The following MB21D2 variants were observed in gnomAD, a reference collection of about 807,000 sequenced individuals.
MB21D2 encodes the protein Mab-21 domain containing 2, also known as nucleotidyltransferase MB21D2.
Under a neutral mutation model 33.3 loss-of-function variants are expected in MB21D2, and 9 were observed. The ratio of observed to expected loss-of-function variants is 0.27; its 90% CI spans 0.16 to 0.47. The LOEUF (loss-of-function observed/expected upper bound fraction) is 0.47, where lower values mean the gene tolerates loss of function less well. Among genes scored for constraint, MB21D2 ranks in the 20% least tolerant of loss-of-function variants. MB21D2 has a pLI of 0.99. For missense variants in MB21D2, 540 were observed against 624.6 expected, an observed-to-expected ratio of 0.86 and a Z score of 1.44; for synonymous variants, 241 against 236.3, an observed-to-expected ratio of 1.02 and a Z score of -0.18.
At chr3:192,838,067 A>G (rs1712479342) in intron 1 of MB21D2, among the ~76,000 whole-genome samples, 1 of 152,242 alleles carries the variant, frequency 6.6e-6, no homozygotes, top group African/African-American at 2.4e-5. Context: ...AGCTGCGGCA[A>G]CATCACTCGT....
intron 1 of MB21D2, among the ~76,000 whole-genome samples, chr3:192,894,025 ACT>A (rs1320756598): frequency 1.3e-5 from 2 of 151,344 alleles, no homozygotes; most frequent in East Asian, 1.9e-4. Flanking sequence ...ACAGAGACAG[ACT>A]CTGTCTCTAA....
intron 1 of MB21D2, among the ~76,000 whole-genome samples, chr3:192,803,063 T>C (rs760672196): frequency 3.3e-5 from 5 of 152,248 alleles, no homozygotes; most frequent in Non-Finnish European, 7.3e-5. Flanking sequence ...TGGAGATAAT[T>C]TGTCTACAAA....
At chr3:192,853,471 C>A (rs995106576) in intron 1 of MB21D2, among the ~76,000 whole-genome samples, 4 of 152,178 alleles carry the variant, frequency 2.6e-5, no homozygotes, top group South Asian at 2.1e-4. Context: ...CCCTAAGTAC[C>A]TAAGTAACAA....
intron 1 of MB21D2, among the ~76,000 whole-genome samples, chr3:192,916,728 T>G (rs1396999727): frequency 6.6e-6 from 1 of 152,164 alleles, no homozygotes; most frequent in Non-Finnish European, 1.5e-5. Flanking sequence ...CTGGCTCAAT[T>G]ATGTTCCTTT....
chr3:192,876,963 C>T (rs928311385), intron 1 of MB21D2, among the ~76,000 whole-genome samples: 1 of 152,148 alleles, frequency 6.6e-6, no homozygotes, highest in African/African-American at 2.4e-5. Context: ...ATGAGCCACC[C>T]TCTGCCCTCG....
At chr3:192,905,821 C>T (rs922554982) in intron 1 of MB21D2, among the ~76,000 whole-genome samples, 3 of 151,460 alleles carry the variant, frequency 2.0e-5, no homozygotes, top group Non-Finnish European at 4.4e-5. Flanking sequence ...TGACAGAGCA[C>T]GCCCTGTCTC....
At chr3:192,803,826 T>C (rs1460163062) in intron 1 of MB21D2, among the ~76,000 whole-genome samples, 1 of 152,216 alleles carries the variant, frequency 6.6e-6, no homozygotes, top group Non-Finnish European at 1.5e-5. Context: ...ACTCTGGCTG[T>C]TTAGCTGTTA....
At position 192,891,271 on chromosome 3, in the gene MB21D2, C is replaced by T. The variant is rs1157628762; in HGVS notation, c.211+26359G>A. On this transcript the variant is annotated intron_variant, in intron 1 of 1. Coordinates refer to ENST00000392452, the MANE Select transcript of MB21D2 (RefSeq NM_178496.4). ...CATGCATTTGTAATACATTGAAGGC[C>T]GAAACAGGACAAGGCTGCAAGCCAA... is the stretch of plus-strand genomic sequence containing the variant. 5.9e-5 allele frequency among the ~76,000 whole-genome samples: 9 copies of T among 152,036 alleles called. No individual in the cohort carries two copies. The East Asian group carries it at 1.5e-3, about 26-fold the overall frequency.
intron 1 of MB21D2, among the ~76,000 whole-genome samples, chr3:192,859,779 T>C (rs1402180604): frequency 6.6e-6 from 1 of 152,088 alleles, no homozygotes; most frequent in Non-Finnish European, 1.5e-5. Context: ...TCAGAAAAAG[T>C]AGACATTGAC....
chr3:192,894,130 T>C (rs1480145145), intron 1 of MB21D2, among the ~76,000 whole-genome samples: 1 of 152,038 alleles, frequency 6.6e-6, no homozygotes, highest in Non-Finnish European at 1.5e-5. Flanking sequence ...GTTTTTGTTT[T>C]GTGTTGTTTT....
At chr3:192,830,924 GGGTATGAGAT>G (rs1249677729) in intron 1 of MB21D2, among the ~76,000 whole-genome samples, 1 of 152,192 alleles carries the variant, frequency 6.6e-6, no homozygotes, top group East Asian at 1.9e-4. Context: ...ACCGACCTAT[GGGTATGAGAT>G]GGTCAAGCTA....
intron 1 of MB21D2, among the ~76,000 whole-genome samples, chr3:192,886,245 A>G (rs990629072): frequency 2.0e-5 from 3 of 152,156 alleles, no homozygotes; most frequent in Admixed American, 2.0e-4. Flanking sequence ...GGCGTGAGTC[A>G]CCGCACCTGG....
intron 1 of MB21D2, among the ~76,000 whole-genome samples, chr3:192,846,936 C>T (rs1230579476): frequency 6.6e-6 from 1 of 152,130 alleles, no homozygotes; most frequent in African/African-American, 2.4e-5. Context: ...TGATTAAATG[C>T]CAATTAATTT....
chr3:192,807,739 G>A (rs1003433141), intron 1 of MB21D2, among the ~76,000 whole-genome samples: 29 of 152,224 alleles, frequency 1.9e-4, no homozygotes, highest in African/African-American at 4.8e-4. Context: ...AAGTATGAGC[G>A]TCTCCTATGA....
chr3:192,826,865 A>G (rs1712183298), intron 1 of MB21D2, among the ~76,000 whole-genome samples: 4 of 150,966 alleles, frequency 2.6e-5, no homozygotes, highest in Admixed American at 2.0e-4. Flanking sequence ...CAGCATCCCA[A>G]TTTTGGCTTC....
chr3:192,811,989 C>A (rs1270142369), intron 1 of MB21D2, among the ~76,000 whole-genome samples: 3 of 152,088 alleles, frequency 2.0e-5, no homozygotes, highest in Non-Finnish European at 2.9e-5. Flanking sequence ...TATTTAGTTT[C>A]TTCATTCAAT....
chr3:192,846,319 G>A (rs982543945), intron 1 of MB21D2, among the ~76,000 whole-genome samples: 1 of 152,146 alleles, frequency 6.6e-6, no homozygotes, highest in African/African-American at 2.4e-5. Context: ...ATTAAAAACA[G>A]TATTTAGAGA....
rs1712044011 is a variant in MB21D2 at position 192,821,146 on chromosome 3, C to A, written c.212-21496G>T. ...TATTGCTAATGTCACTATCCACCAC[C>A]ACCTGGGCTCTTAATAACATCACTC... On this transcript the variant is annotated intron_variant, in intron 1 of 1. Coordinates refer to ENST00000392452, the MANE Select transcript of MB21D2 (RefSeq NM_178496.4). 2.0e-5 allele frequency among the ~76,000 whole-genome samples: 3 copies of A among 152,178 alleles called. No homozygotes were observed. In the South Asian group the frequency reaches 6.2e-4, roughly 32 times the overall value.
rs571142747 is a variant in MB21D2 at position 192,852,871 on chromosome 3, A to G, written c.212-53221T>C. ...TCTGTAGCATTCTCACTGCATTTCC[A>G]AATTACTCCAGGTTTTCCTGTTCCT... On this transcript the variant is annotated intron_variant, in intron 1 of 1. Transcript: ENST00000392452. Among the ~76,000 whole-genome samples the G allele has an allele frequency of 1.8e-3, 280 of 152,288 alleles. No individual in the cohort carries two copies. In the Middle Eastern group the frequency reaches 0.02, roughly 11 times the overall value.
Sources: allele counts gnomAD v4.1 joint callset (sites outside exome capture counted in the v4.1 genomes callset), GRCh38; gene constraint gnomAD v4.1.1; transcripts MANE v1.5; gene names NCBI Gene and HGNC (gene_info 2026-07-23, HGNC 2026-07-21).